Variants in GALNT13 observed in about 807,000 individuals in gnomAD.
GALNT13 encodes the protein UDP-GalNAc:polypeptide N-acetylgalactosaminyltransferase 13.
GALNT13 carries 28 observed loss-of-function variants against 64.2 expected under a neutral mutation model. The ratio of observed to expected loss-of-function variants is 0.44; its 90% CI spans 0.32 to 0.60. The LOEUF is 0.60. GALNT13 is among the 20% of genes least tolerant of loss of function. GALNT13 has a pLI of 0.05. For missense variants in GALNT13, 577 were observed against 669.8 expected (o/e 0.86, Z 1.53); for synonymous variants, 214 against 224.6 (o/e 0.95, Z 0.42).
intron 1 of GALNT13, among the ~76,000 whole-genome samples, chr2:153,874,961 G>A (rs996708617): frequency 1.3e-5 from 2 of 152,094 alleles, no homozygotes; most frequent in African/African-American, 4.8e-5. Context: ...TCATTTTTGG[G>A]TGAATACTTT....
chr2:153,151,794 C>T, the GALNT13 span, among the ~76,000 whole-genome samples: 1 of 135,044 alleles, frequency 7.4e-6, no homozygotes, highest in Admixed American at 8.5e-5. Flanking sequence ...AACACATAGA[C>T]ACAGGAAGGG....
At chr2:154,116,433 C>T (rs1681568208) in intron 3 of GALNT13, among the ~76,000 whole-genome samples, 1 of 151,352 alleles carries the variant, frequency 6.6e-6, no homozygotes, top group Non-Finnish European at 1.5e-5. Context: ...GGAGGTAAGA[C>T]TCTCACTCAG....
chr2:153,922,776 C>G (rs1346275957), intron 2 of GALNT13, among the ~76,000 whole-genome samples: 1 of 151,886 alleles, frequency 6.6e-6, no homozygotes, highest in African/African-American at 2.4e-5. Flanking sequence ...TTAGCAATGA[C>G]TGGCATGAAG....
the GALNT13 span, among the ~76,000 whole-genome samples, chr2:153,803,735 CAG>C: frequency 7.4e-5 from 11 of 147,996 alleles, no homozygotes; most frequent in Non-Finnish European, 1.5e-4. Flanking sequence ...AGGAAAGGAA[CAG>C]AGAGAGATTG....
chr2:153,332,370 T>C, the GALNT13 span, among the ~76,000 whole-genome samples: 1 of 152,182 alleles, frequency 6.6e-6, no homozygotes, highest in Non-Finnish European at 1.5e-5. Flanking sequence ...TGATATGCTG[T>C]ATAATTGTTT....
intron 3 of GALNT13, among the ~76,000 whole-genome samples, chr2:154,129,748 A>G (rs1046425603): frequency 6.6e-6 from 1 of 152,162 alleles, no homozygotes; most frequent in Non-Finnish European, 1.5e-5. Flanking sequence ...CCCAGCAAAC[A>G]TGATTCATTA....
At chr2:153,541,799 G>T in the GALNT13 span, among the ~76,000 whole-genome samples, 1 of 152,114 alleles carries the variant, frequency 6.6e-6, no homozygotes, top group Admixed American at 6.5e-5. Flanking sequence ...CTATACAGTT[G>T]CCCATAGTTT....
At chr2:153,961,973 C>T (rs553121635) in intron 3 of GALNT13, among the ~76,000 whole-genome samples, 2 of 152,296 alleles carry the variant, frequency 1.3e-5, no homozygotes, top group East Asian at 3.9e-4. Flanking sequence ...ATAACGAATG[C>T]ATGATAAGTT....
intron 4 of GALNT13, among the ~76,000 whole-genome samples, chr2:154,170,918 G>C (rs1206693962): frequency 6.6e-6 from 1 of 152,174 alleles, no homozygotes; most frequent in Non-Finnish European, 1.5e-5. Context: ...TGGGTAGTTT[G>C]CTGGAGAAGC....
the GALNT13 span, among the ~76,000 whole-genome samples, chr2:153,767,740 G>C: frequency 6.7e-6 from 1 of 150,014 alleles, no homozygotes; most frequent in African/African-American, 2.4e-5. Context: ...TTAGCCACTT[G>C]TATGTCTTCC....
chr2:153,742,741 G>T, the GALNT13 span, among the ~76,000 whole-genome samples: 1 of 151,790 alleles, frequency 6.6e-6, no homozygotes. Flanking sequence ...TGCTACAAAG[G>T]GTGTGATCTC....
intron 1 of GALNT13, among the ~76,000 whole-genome samples, chr2:153,898,094 C>T (rs1687997694): frequency 6.6e-6 from 1 of 152,008 alleles, no homozygotes; most frequent in Admixed American, 6.6e-5. Flanking sequence ...ACCTTTTTCA[C>T]AGTTTTTCTG....
the GALNT13 span, among the ~76,000 whole-genome samples, chr2:153,698,443 C>T: frequency 6.6e-6 from 1 of 152,078 alleles, no homozygotes; most frequent in Non-Finnish European, 1.5e-5. Context: ...CGTCACAATC[C>T]TAGTCTCTGA....
chr2:153,714,067 A>G, the GALNT13 span, among the ~76,000 whole-genome samples: 1 of 152,312 alleles, frequency 6.6e-6, no homozygotes, highest in Admixed American at 6.5e-5. Context: ...CCAGTGTTGT[A>G]CTGAAACATC....
the GALNT13 span, among the ~76,000 whole-genome samples, chr2:153,339,916 G>C: frequency 6.6e-6 from 1 of 152,108 alleles, no homozygotes; most frequent in Non-Finnish European, 1.5e-5. Flanking sequence ...CCATAAATGT[G>C]TATATTTATT....
chr2:153,388,382 C>G, the GALNT13 span, among the ~76,000 whole-genome samples: 1 of 152,058 alleles, frequency 6.6e-6, no homozygotes, highest in Non-Finnish European at 1.5e-5. Context: ...AGACATTCCT[C>G]AGGCAGTGTC....
At chr2:153,133,169 C>T in the GALNT13 span, among the ~76,000 whole-genome samples, 1 of 152,020 alleles carries the variant, frequency 6.6e-6, no homozygotes, top group African/African-American at 2.4e-5. Context: ...TCAAAGCTCC[C>T]TTTCTGAAAT....
At chr2:153,484,211 T>C in the GALNT13 span, among the ~76,000 whole-genome samples, 1 of 152,182 alleles carries the variant, frequency 6.6e-6, no homozygotes, top group African/African-American at 2.4e-5. Flanking sequence ...ACTATACTTA[T>C]TTGAACATAG....
the GALNT13 span, among the ~76,000 whole-genome samples, chr2:153,475,432 G>A: frequency 1.3e-5 from 2 of 152,160 alleles, no homozygotes; most frequent in African/African-American, 2.4e-5. Context: ...GGATAGTTGA[G>A]ATAAAGAGAA....
Sources: allele counts gnomAD v4.1 joint callset (sites outside exome capture counted in the v4.1 genomes callset), GRCh38; gene constraint gnomAD v4.1.1; transcripts MANE v1.5; gene names NCBI Gene and HGNC (gene_info 2026-07-23, HGNC 2026-07-21).